The following TRAF3IP1 variants were observed in gnomAD, a reference collection of about 807,000 sequenced individuals.
TRAF3IP1 encodes intraflagellar transport 54.
A neutral mutation model predicts 89.9 loss-of-function variants in TRAF3IP1; 53 were observed. That is an observed-to-expected ratio of 0.59 (90% CI 0.47 to 0.74). TRAF3IP1 has a LOEUF of 0.74. Ranked by LOEUF, TRAF3IP1 falls within the 30% of genes least tolerant of loss-of-function variation. The pLI is 0.00. For synonymous variants in TRAF3IP1, 311 were observed against 322.1 expected (o/e 0.97, Z 0.37); for missense variants, 806 against 866.1 (o/e 0.93, Z 0.87).
At chr2:238,376,422 G>A (rs1192965852) in intron 15 of TRAF3IP1, among the ~76,000 whole-genome samples, 1 of 152,148 alleles carries the variant, frequency 6.6e-6, no homozygotes, top group Non-Finnish European at 1.5e-5. Flanking sequence ...AAGGCCTTGT[G>A]TCTGGTAGCA....
At position 238,397,505 on chromosome 2, in the gene TRAF3IP1, T is replaced by C; in HGVS notation, c.1736T>C (p.Val579Ala). The C allele has an allele frequency of 6.2e-7, 1 of 1,613,064 alleles. No homozygotes were observed. Among genetic ancestry groups the C allele is most frequent in the Non-Finnish European group, 8.5e-7 (1 of 1,179,922 alleles). The change falls in exon 16 of 17, where the codon GTT becomes GCT. Residue 579 changes from valine (V) to alanine (A), a missense_variant. Val to Ala is a moderately conservative substitution (Grantham distance 64). Transcript: ENST00000373327. ...ESAWKKEKDI[V>A]SKEIEKLRTS... The stretch of plus-strand genomic sequence containing the variant: ...GCATGGAAGAAGGAGAAGGACATCG[T>C]TTCCAAGGAGATAGAGAAGCTCCGC...
In TRAF3IP1 at chr2:238,320,635, G is replaced by A. The variant is rs1697472248; in HGVS notation, c.-28G>A. On this transcript the variant is annotated 5_prime_UTR_variant, in exon 1 of 17. Transcript: ENST00000373327. The stretch of plus-strand genomic sequence containing the variant: ...CTCGGCCAGGCCGGCTGAGGGGCGC[G>A]GGCGGCCAGCGGGCGGCGGACGCCG... 4 of 1,302,574 alleles carry A rather than the reference G, an allele frequency of 3.1e-6. No homozygotes were observed. The highest frequency in any genetic ancestry group is 1.5e-5 in the African/African-American group (1 of 64,796). The allele number at this position is 1,302,574 out of a possible 1,614,324, so 80.7% of individuals were successfully genotyped here.
chr2:238,347,513 T>G (rs1698949574), intron 10 of TRAF3IP1, 38 bp downstream of exon 10: 1 of 1,609,700 alleles, frequency 6.2e-7, no homozygotes, highest in South Asian at 1.1e-5. Context: ...GTCATATCAA[T>G]TGTATGCATG....
chr2:238,381,749 G>A (rs1042277112), intron 15 of TRAF3IP1, among the ~76,000 whole-genome samples: 1 of 152,226 alleles, frequency 6.6e-6, no homozygotes, highest in Non-Finnish European at 1.5e-5. Context: ...AGCACCTCAC[G>A]TGAGCAGAAC....
chr2:238,376,258 A>C (rs1166770547), intron 15 of TRAF3IP1, among the ~76,000 whole-genome samples: 1 of 152,206 alleles, frequency 6.6e-6, no homozygotes, highest in African/African-American at 2.4e-5. Flanking sequence ...TTATCCTTTA[A>C]CTGGGTTTTT....
rs534939245 is a variant in TRAF3IP1, at chr2:238,378,910, T to C, written c.1690-18549T>C. 5.9e-5 allele frequency among the ~76,000 whole-genome samples: 9 copies of C among 152,284 alleles called. No individual in the cohort carries two copies. The East Asian group carries it at 1.7e-3, about 29-fold the overall frequency. ...TCAGTCTTTGCTGACCAGTACCAGG[T>C]TGCTTCTGCTCTTGCCTTCAGGGGA... On this transcript the variant is annotated intron_variant, in intron 15 of 16. Transcript: ENST00000373327.
At chr2:238,331,125 G>T (rs1698100166) in intron 5 of TRAF3IP1, among the ~76,000 whole-genome samples, 1 of 152,028 alleles carries the variant, frequency 6.6e-6, no homozygotes, top group Admixed American at 6.6e-5. Flanking sequence ...TGCTAATGAG[G>T]TGACTGGCTT....
rs542672791 is a variant in TRAF3IP1 at position 238,385,012 on chromosome 2, C to A, written c.1690-12447C>A. Among the ~76,000 whole-genome samples the A allele has an allele frequency of 4.8e-4, 73 of 151,722 alleles. 1 individual carries two copies. Among genetic ancestry groups the A allele is most frequent in the Non-Finnish European group, 9.3e-4 (63 of 67,936 alleles). The stretch of plus-strand genomic sequence containing the variant: ...AAGTCAGTTGTAGCTTTTTATTTTT[C>A]TTTCTTTCTTTATTTTTTTTTGAGA... On this transcript the variant is annotated intron_variant, in intron 15 of 16. Transcript: ENST00000373327.
intron 15 of TRAF3IP1, among the ~76,000 whole-genome samples, chr2:238,396,208 G>C (rs1701208344): frequency 6.6e-6 from 1 of 152,120 alleles, no homozygotes; most frequent in Non-Finnish European, 1.5e-5. Flanking sequence ...CATTAAAAAT[G>C]ATGAGTTCAT....
chr2:238,382,663 C>T (rs1476683769), intron 15 of TRAF3IP1, among the ~76,000 whole-genome samples: 2 of 152,078 alleles, frequency 1.3e-5, no homozygotes, highest in South Asian at 2.1e-4. Flanking sequence ...AGCTCACAGT[C>T]GAGTGTCACC....
At chr2:238,339,475 A>G (rs1195763705) in intron 8 of TRAF3IP1, among the ~76,000 whole-genome samples, 1 of 152,256 alleles carries the variant, frequency 6.6e-6, no homozygotes, top group Admixed American at 6.5e-5. Flanking sequence ...ACCCAGGCAC[A>G]CTGCAATCCT....
At position 238,398,841 on chromosome 2, in the gene TRAF3IP1, T is replaced by C; in HGVS notation, c.1998T>C (p.Ala666=). ...AAGACCAGCAAGACAAGATCTGTGCTGTGAAGGCCAACATCCTCAAGAATG... is the reference window on the plus strand; with the variant it reads ...AAGACCAGCAAGACAAGATCTGTGCCGTGAAGGCCAACATCCTCAAGAATG... The part of the protein sequence containing the change: ...LIKDQQDKIC[A]VKANILKNEE... Residue 666 remains alanine (A), a synonymous_variant, in exon 17 of 17, where the codon GCT becomes GCC. Transcript: ENST00000373327. The C allele has an allele frequency of 6.2e-7, 1 of 1,613,650 alleles. No homozygotes were observed. The highest frequency in any genetic ancestry group is 2.2e-5 in the East Asian group (1 of 44,866).
At chr2:238,394,492 G>A (rs1701128000) in intron 15 of TRAF3IP1, among the ~76,000 whole-genome samples, 1 of 152,056 alleles carries the variant, frequency 6.6e-6, no homozygotes, top group South Asian at 2.1e-4. Flanking sequence ...CCATTTCCAA[G>A]TCCTATACAT....
rs1018507509 is a variant in TRAF3IP1 at position 238,379,591 on chromosome 2, C to G, written c.1690-17868C>G. On this transcript the variant is annotated intron_variant, in intron 15 of 16. Transcript: ENST00000373327. The surrounding 1 kb of genome is among the most constrained non-coding windows in gnomAD (Gnocchi z 4.0). ...TCTATTCATAATTAATTCTGTGACACGTGTTTTCTGCCGAGGACCTCTGAC... is the reference window on the plus strand; with the variant it reads ...TCTATTCATAATTAATTCTGTGACAGGTGTTTTCTGCCGAGGACCTCTGAC... Among the ~76,000 whole-genome samples the G allele has an allele frequency of 6.6e-6, 1 of 152,192 alleles. No homozygotes were observed. Among genetic ancestry groups the G allele is most frequent in the Non-Finnish European group, 1.5e-5 (1 of 68,038 alleles).
At chr2:238,332,723 G>A (rs1015699019) in intron 5 of TRAF3IP1, 101 bp from the exon 6 acceptor site, 3 of 855,834 alleles carry the variant, frequency 3.5e-6, no homozygotes, top group Non-Finnish European at 5.6e-6. Context: ...TGGGAAGAAT[G>A]ATTTCACTGT....
intron 15 of TRAF3IP1, among the ~76,000 whole-genome samples, chr2:238,360,741 C>T (rs1174814853): frequency 6.6e-6 from 1 of 151,980 alleles, no homozygotes; most frequent in Admixed American, 6.6e-5. Context: ...ATTAGCTGGG[C>T]ATAGTGGCAC....
chr2:238,348,699 AT>A lies in TRAF3IP1; in HGVS notation c.1283-61del, dbSNP rs1211333999. On this transcript the variant is annotated intron_variant, in intron 10 of 16. Coordinates refer to ENST00000373327, the MANE Select transcript of TRAF3IP1 (RefSeq NM_015650.4). ...AACTGCAAATACAGATGCAAATAGT[AT>A]TTTCAAATAGTTATCTATGTGTGTT... 1.9e-5 allele frequency: 26 copies of A among 1,388,934 alleles called. No homozygotes were observed. In the Admixed American group the frequency reaches 1.9e-4, roughly 10 times the overall value. 86.0% of individuals were successfully genotyped at this position (1,388,934 alleles called of 1,614,324 possible).
At chr2:238,376,652 G>A (rs528910801) in intron 15 of TRAF3IP1, among the ~76,000 whole-genome samples, 15 of 152,242 alleles carry the variant, frequency 9.9e-5, no homozygotes, top group East Asian at 1.9e-4. Context: ...AAGGTTGTTC[G>A]TATCTTTTGT....
At chr2:238,374,833 C>G (rs2106356000) in intron 15 of TRAF3IP1, among the ~76,000 whole-genome samples, 2 of 152,268 alleles carry the variant, frequency 1.3e-5, no homozygotes, top group East Asian at 3.9e-4. Flanking sequence ...TTCATATATT[C>G]AGCTTCTTTC....
Sources: allele counts gnomAD v4.1 joint callset (sites outside exome capture counted in the v4.1 genomes callset), GRCh38; gene constraint gnomAD v4.1.1; non-coding constraint Gnocchi (gnomAD v3.1); transcripts MANE v1.5; gene names NCBI Gene and HGNC (gene_info 2026-07-23, HGNC 2026-07-21).